ICA1: variants seen among roughly 807,000 people sequenced by gnomAD.
ICA1 encodes islet cell autoantigen 1.
In ICA1, 40 loss-of-function variants were observed where a neutral mutation model predicts 71.0. That is an observed-to-expected ratio of 0.56 (90% CI 0.44 to 0.73). The LOEUF is 0.73. Among genes scored for constraint, ICA1 ranks in the 30% least tolerant of loss-of-function variants. The probability of loss-of-function intolerance (pLI) is 0.00; values close to 1 mark genes in which losing one functional copy is unlikely to be tolerated. For missense variants in ICA1, 578 were observed against 576.5 expected (o/e 1.00, Z -0.03); for synonymous variants, 207 against 209.5 (o/e 0.99, Z 0.10).
intron 12 of ICA1, among the ~76,000 whole-genome samples, chr7:8,133,539 T>C (rs1011951368): frequency 6.6e-6 from 1 of 152,224 alleles, no homozygotes; most frequent in Non-Finnish European, 1.5e-5. Flanking sequence ...ATGAGCCCTT[T>C]TCCTTATAAA....
intron 6 of ICA1, among the ~76,000 whole-genome samples, chr7:8,194,462 G>C (rs1015306758): frequency 6.6e-6 from 1 of 152,218 alleles, no homozygotes; most frequent in Non-Finnish European, 1.5e-5. Flanking sequence ...TGTGAGAAAA[G>C]GCTATCTCTC....
chr7:8,244,132 G>A (rs574625092), intron 1 of ICA1, among the ~76,000 whole-genome samples: 1 of 152,294 alleles, frequency 6.6e-6, no homozygotes, highest in South Asian at 2.1e-4. Flanking sequence ...CAAACCTGGA[G>A]GCATCACGCT....
Position 8,132,812 on chromosome 7 carries a change from C to T in ICA1, c.1061-4670G>A, listed in dbSNP as rs1386336122. On this transcript the variant is annotated intron_variant, in intron 12 of 13. Coordinates refer to ENST00000402384, the MANE Select transcript of ICA1 (RefSeq NM_001136020.3). The surrounding 1 kb of genome is among the most constrained non-coding windows in gnomAD (Gnocchi z 4.5). ...ACCTCAGAAGGTTCTCCAATCTCTA[C>T]CTCCAATTCCAAGTTCTTTCTGGAA... Among the ~76,000 whole-genome samples, 1 of 152,244 alleles carries T rather than the reference C, an allele frequency of 6.6e-6. No individual in the cohort carries two copies. Among genetic ancestry groups the T allele is most frequent in the African/African-American group, 2.4e-5 (1 of 41,468 alleles).
chr7:8,119,199 C>T (rs543395159), intron 13 of ICA1, among the ~76,000 whole-genome samples: 1 of 152,184 alleles, frequency 6.6e-6, no homozygotes, highest in Non-Finnish European at 1.5e-5. Context: ...GGTCCTCTGA[C>T]AGAGTTCCTG....
At chr7:8,211,955 G>A (rs1203115667) in intron 6 of ICA1, among the ~76,000 whole-genome samples, 1 of 152,178 alleles carries the variant, frequency 6.6e-6, no homozygotes, top group East Asian at 1.9e-4. Context: ...TACAAAAACA[G>A]GTGGCTGACC....
In ICA1 at chr7:8,218,314, C is replaced by T. The variant is rs763781691; in HGVS notation, c.570G>A (p.Lys190=). 8 of 1,614,010 alleles carry T rather than the reference C, an allele frequency of 5.0e-6. No individual in the cohort carries two copies. In the African/African-American group the frequency reaches 1.1e-4, roughly 22 times the overall value. ...TCATAAAACCTCCTACCTTCCTGAA[C>T]TTCTCCATTTGCTTGTAGAGGTCTG... is the stretch of plus-strand genomic sequence containing the variant. ...LDPDLYKQME[K]FRKVQTQVRL... The change falls in exon 6 of 14, where the codon AAG becomes AAA. Residue 190 remains lysine, a synonymous_variant. Coordinates refer to ENST00000402384, the MANE Select transcript of ICA1 (RefSeq NM_001136020.3).
intron 6 of ICA1, among the ~76,000 whole-genome samples, chr7:8,205,436 C>T (rs1791181778): frequency 6.6e-6 from 1 of 152,200 alleles, no homozygotes; most frequent in African/African-American, 2.4e-5. Flanking sequence ...CCCAGTCATA[C>T]CTGACTTTAA....
upstream of ICA1, chr7:8,262,247 G>A (rs1241603284): frequency 6.6e-6 from 1 of 152,120 alleles, no homozygotes; most frequent in East Asian, 1.9e-4. Flanking sequence ...AGCCGGAATA[G>A]CAACCGGCGG....
chr7:8,230,744 C>T (rs372936029), intron 3 of ICA1, among the ~76,000 whole-genome samples: 2 of 152,070 alleles, frequency 1.3e-5, no homozygotes, highest in African/African-American at 4.8e-5. Context: ...ATATAACAAT[C>T]GAAACAGATG....
chr7:8,187,060 T>A (rs991449913), intron 6 of ICA1, among the ~76,000 whole-genome samples: 1 of 152,218 alleles, frequency 6.6e-6, no homozygotes, highest in Non-Finnish European at 1.5e-5. Context: ...TCTTATGAGC[T>A]TGACGTGATT....
At chr7:8,237,819 GACACACACACAC>G (rs57343882) in intron 1 of ICA1, among the ~76,000 whole-genome samples, 77 of 142,168 alleles carry the variant, frequency 5.4e-4, no homozygotes, top group African/African-American at 1.9e-3. Flanking sequence ...GTTGAAGACA[GACACACACACAC>G]ACACACACAC....
At chr7:8,185,129 G>T (rs1038643123) in intron 6 of ICA1, among the ~76,000 whole-genome samples, 15 of 151,704 alleles carry the variant, frequency 9.9e-5, no homozygotes, top group African/African-American at 3.4e-4. Flanking sequence ...TTAAAATTCT[G>T]TCTTTGGTTT....
At chr7:8,158,859 C>T (rs569092686) in intron 6 of ICA1, among the ~76,000 whole-genome samples, 1 of 152,288 alleles carries the variant, frequency 6.6e-6, no homozygotes, top group South Asian at 2.1e-4. Flanking sequence ...TTTTATAGCA[C>T]ACTTGTCATC....
chr7:8,245,642 G>T (rs911695853), intron 1 of ICA1, among the ~76,000 whole-genome samples: 1 of 151,922 alleles, frequency 6.6e-6, no homozygotes, highest in African/African-American at 2.4e-5. Context: ...TGAAATTAAT[G>T]TTTATATATT....
At chr7:8,171,413 A>C (rs1258387327) in intron 6 of ICA1, among the ~76,000 whole-genome samples, 1 of 151,832 alleles carries the variant, frequency 6.6e-6, no homozygotes, top group East Asian at 1.9e-4. Flanking sequence ...TGAGTTATCA[A>C]ATTTGTTGGC....
In ICA1 at chr7:8,208,837, C is replaced by G. The variant is rs191438652; in HGVS notation, c.579+9468G>C. 2.6e-4 allele frequency among the ~76,000 whole-genome samples: 39 copies of G among 152,216 alleles called. 1 individual carries two copies. In the East Asian group the frequency reaches 5.6e-3, roughly 22 times the overall value. ...CACAGGCACTATACATCCCTCTGAC[C>G]CTGCAGCCAAAAGCATTAAGTGATG... On this transcript the variant is annotated intron_variant, in intron 6 of 13. Coordinates refer to ENST00000402384, the MANE Select transcript of ICA1 (RefSeq NM_001136020.3).
At chr7:8,129,562 C>T (rs1050891710) in intron 12 of ICA1, among the ~76,000 whole-genome samples, 7 of 152,088 alleles carry the variant, frequency 4.6e-5, no homozygotes, top group Admixed American at 6.5e-5. Context: ...TCACTTTAGT[C>T]GGACAACTGT....
rs560439116 is a variant in ICA1, at chr7:8,195,406, G to A, written c.579+22899C>T. On this transcript the variant is annotated intron_variant, in intron 6 of 13. Coordinates refer to ENST00000402384, the MANE Select transcript of ICA1 (RefSeq NM_001136020.3). Reference sequence around the variant, plus strand: ...AAATAGAAAAAATTAGCCGGGTGTGGTGGCGCATGCTGATAATCCCAGCTA... The same window carrying A: ...AAATAGAAAAAATTAGCCGGGTGTGATGGCGCATGCTGATAATCCCAGCTA... Among the ~76,000 whole-genome samples the A allele has an allele frequency of 5.5e-4, 83 of 152,180 alleles. 1 individual carries two copies. Among genetic ancestry groups the A allele is most frequent in the Middle Eastern group, 6.8e-3 (2 of 294 alleles).
intron 12 of ICA1, among the ~76,000 whole-genome samples, chr7:8,137,875 T>C (rs979547952): frequency 4.6e-5 from 7 of 152,210 alleles, no homozygotes; most frequent in African/African-American, 1.7e-4. Context: ...GCACACTCTG[T>C]AAATTAAATC....
Sources: allele counts gnomAD v4.1 joint callset (sites outside exome capture counted in the v4.1 genomes callset), GRCh38; gene constraint gnomAD v4.1.1; non-coding constraint Gnocchi (gnomAD v3.1); transcripts MANE v1.5; gene names NCBI Gene and HGNC (gene_info 2026-07-23, HGNC 2026-07-21).